The following CENPW variants were observed in gnomAD, a reference collection of about 807,000 sequenced individuals.
The protein encoded by CENPW is cancer-up-regulated gene 2 protein.
CENPW carries 3 observed loss-of-function variants against 11.1 expected under a neutral mutation model. The observed-to-expected ratio is 0.27, with a 90% CI of 0.12 to 0.70. The LOEUF is 0.70. Among genes scored for constraint, CENPW ranks in the 30% least tolerant of loss-of-function variants. The pLI is 0.77. For missense variants in CENPW, 100 were observed against 105.6 expected (o/e 0.95, Z 0.23); for synonymous variants, 38 against 42.0 (o/e 0.91, Z 0.37).
the CENPW span, among the ~76,000 whole-genome samples, chr6:126,455,580 A>G: frequency 6.6e-6 from 1 of 151,520 alleles, no homozygotes; most frequent in Non-Finnish European, 1.5e-5. Context: ...CAAAATAACA[A>G]GAGCCATCTA....
chr6:126,371,939 A>T, the CENPW span, among the ~76,000 whole-genome samples: 4 of 150,968 alleles, frequency 2.6e-5, no homozygotes, highest in Non-Finnish European at 5.9e-5. Context: ...AATAAATCTT[A>T]TTTCATTTCT....
chr6:126,461,669 T>A, the CENPW span, among the ~76,000 whole-genome samples: 3 of 151,952 alleles, frequency 2.0e-5, no homozygotes, highest in Middle Eastern at 3.2e-3. Context: ...TGTATTCTAG[T>A]CACTTTACCA....
chr6:126,426,939 G>C, the CENPW span, among the ~76,000 whole-genome samples: 2 of 152,146 alleles, frequency 1.3e-5, no homozygotes, highest in Admixed American at 1.3e-4. Flanking sequence ...TCATGATGCA[G>C]CTGTTCTGAA....
At chr6:126,467,406 T>A in the CENPW span, among the ~76,000 whole-genome samples, 1 of 152,026 alleles carries the variant, frequency 6.6e-6, no homozygotes, top group Non-Finnish European at 1.5e-5. Flanking sequence ...TACTTCTTAC[T>A]CAATAACGGT....
At chr6:126,372,899 C>T in the CENPW span, among the ~76,000 whole-genome samples, 1 of 152,140 alleles carries the variant, frequency 6.6e-6, no homozygotes, top group African/African-American at 2.4e-5. Flanking sequence ...ATTCTATGCC[C>T]TGGAGTACTA....
chr6:126,422,902 T>A, the CENPW span, among the ~76,000 whole-genome samples: 1 of 152,106 alleles, frequency 6.6e-6, no homozygotes, highest in African/African-American at 2.4e-5. Context: ...AACGGGGCCT[T>A]CTGAAGTAAT....
At chr6:126,361,722 T>TTTTTTTTTTTTTTTTTTTTTTGAGAC in the CENPW span, among the ~76,000 whole-genome samples, 1 of 152,162 alleles carries the variant, frequency 6.6e-6, no homozygotes, top group Admixed American at 6.5e-5. Context: ...TTTCTTTTGT[T>TTTTTTTTTTTTTTTTTTTTTTGAGAC]GAGTGTTCCA....
At chr6:126,468,142 C>T in the CENPW span, among the ~76,000 whole-genome samples, 8 of 151,938 alleles carry the variant, frequency 5.3e-5, no homozygotes, top group Non-Finnish European at 8.8e-5. Context: ...AACTTGGGCC[C>T]GGTGCTCTGG....
chr6:126,390,280 A>G, the CENPW span, among the ~76,000 whole-genome samples: 1 of 151,880 alleles, frequency 6.6e-6, no homozygotes, highest in African/African-American at 2.4e-5. Flanking sequence ...CTTATGATCC[A>G]TTATCCACAT....
At chr6:126,421,832 C>A in the CENPW span, among the ~76,000 whole-genome samples, 1 of 152,048 alleles carries the variant, frequency 6.6e-6, no homozygotes, top group African/African-American at 2.4e-5. Context: ...AGCTCCACTA[C>A]GTTATTAATG....
At chr6:126,434,776 A>G in the CENPW span, among the ~76,000 whole-genome samples, 1 of 152,026 alleles carries the variant, frequency 6.6e-6, no homozygotes, top group Admixed American at 6.6e-5. Flanking sequence ...AGAAATTATA[A>G]CCCACAGTTG....
the CENPW span, among the ~76,000 whole-genome samples, chr6:126,433,378 A>G: frequency 2.0e-5 from 3 of 152,176 alleles, no homozygotes; most frequent in Non-Finnish European, 4.4e-5. Context: ...TGACTGGAGA[A>G]TACTCTGCAT....
At chr6:126,458,728 A>G in the CENPW span, among the ~76,000 whole-genome samples, 1 of 151,414 alleles carries the variant, frequency 6.6e-6, no homozygotes. Context: ...GCCTGGAGAA[A>G]GGAGTCATCA....
chr6:126,341,291 A>G (rs1780305262), intron 1 of CENPW, among the ~76,000 whole-genome samples: 1 of 152,220 alleles, frequency 6.6e-6, no homozygotes, highest in Non-Finnish European at 1.5e-5. Context: ...AGGAGCCATT[A>G]TAAATGGACA....
the CENPW span, among the ~76,000 whole-genome samples, chr6:126,460,770 A>T: frequency 6.6e-6 from 1 of 151,904 alleles, no homozygotes; most frequent in East Asian, 1.9e-4. Flanking sequence ...CAGTGACAAG[A>T]TGGTATCAAG....
At chr6:126,358,339 G>A in the CENPW span, among the ~76,000 whole-genome samples, 6 of 152,110 alleles carry the variant, frequency 3.9e-5, no homozygotes, top group Admixed American at 1.3e-4. Context: ...GTTGGCTATG[G>A]GTTTGTCATA....
chr6:126,371,809 G>A, the CENPW span, among the ~76,000 whole-genome samples: 1 of 152,008 alleles, frequency 6.6e-6, no homozygotes, highest in Non-Finnish European at 1.5e-5. Context: ...TAATCTACAA[G>A]CGTTGTATAT....
At chr6:126,388,066 C>G in the CENPW span, among the ~76,000 whole-genome samples, 2 of 151,794 alleles carry the variant, frequency 1.3e-5, no homozygotes, top group Non-Finnish European at 2.9e-5. Context: ...ACACTCAGAC[C>G]AAGCCAAAAA....
the CENPW span, among the ~76,000 whole-genome samples, chr6:126,404,641 C>T: frequency 1.3e-5 from 2 of 151,868 alleles, no homozygotes; most frequent in African/African-American, 4.8e-5. Flanking sequence ...TGTATGAGTC[C>T]CAGAAGAGGA....
Sources: gnomAD v4.1 joint callset for allele counts (sites outside exome capture counted in the v4.1 genomes callset) on GRCh38, gnomAD v4.1.1 for gene constraint, MANE v1.5 for transcripts, NCBI Gene and HGNC (gene_info 2026-07-23, HGNC 2026-07-21) for gene names.